The following ROBO2 variants were observed in gnomAD, a reference collection of about 807,000 sequenced individuals.
ROBO2 encodes roundabout guidance receptor 2.
ROBO2 carries 53 observed loss-of-function variants against 160.8 expected under a neutral mutation model. The ratio of observed to expected loss-of-function variants is 0.33; its 90% CI spans 0.26 to 0.41. The LOEUF (loss-of-function observed/expected upper bound fraction) is 0.41, where lower values mean the gene tolerates loss of function less well. ROBO2 is among the 10% of genes least tolerant of loss of function. The pLI, the probability that ROBO2 is intolerant of heterozygous loss-of-function variation, is 1.00. For synonymous variants in ROBO2, 664 were observed against 611.7 expected (o/e 1.09, Z -1.26); for missense variants, 1,577 against 1,722.4 (o/e 0.92, Z 1.49).
At chr3:76,106,892 AG>A (rs887480608) in intron 2 of ROBO2, among the ~76,000 whole-genome samples, 1 of 152,106 alleles carries the variant, frequency 6.6e-6, no homozygotes, top group African/African-American at 2.4e-5. Context: ...TGCTACCACA[AG>A]GGGTACTCTT....
At chr3:77,505,459 A>C (rs1258185464) in intron 5 of ROBO2, among the ~76,000 whole-genome samples, 1 of 152,104 alleles carries the variant, frequency 6.6e-6, no homozygotes, top group African/African-American at 2.4e-5. Context: ...TAAATAGAGA[A>C]GTCAAAAGGT....
Position 76,058,411 on chromosome 3 carries a change from C to T in ROBO2, c.109+120809C>T, listed in dbSNP as rs571908243. Among the ~76,000 whole-genome samples, 13 of 152,048 alleles carry T rather than the reference C, an allele frequency of 8.5e-5. No homozygotes were observed. The South Asian group carries it at 2.3e-3, about 27-fold the overall frequency. ...AAAACAGATACTATAGTTATTACTA[C>T]TGAATGTTTTTAAAAGTTCTAATAA... On this transcript the variant is annotated intron_variant, in intron 2 of 26. Transcript: ENST00000487694.
chr3:76,684,800 C>A (rs929683914), intron 2 of ROBO2, among the ~76,000 whole-genome samples: 1 of 152,096 alleles, frequency 6.6e-6, no homozygotes, highest in Non-Finnish European at 1.5e-5. Context: ...GAACTTTTGT[C>A]ACTTTTAATC....
At chr3:77,136,033 C>T (rs1195711032) in intron 2 of ROBO2, among the ~76,000 whole-genome samples, 1 of 152,148 alleles carries the variant, frequency 6.6e-6, no homozygotes, top group African/African-American at 2.4e-5. Context: ...TTATACAGCA[C>T]AGTACATAGA....
chr3:76,803,355 C>G (rs1244710550), intron 2 of ROBO2, among the ~76,000 whole-genome samples: 3 of 148,440 alleles, frequency 2.0e-5, no homozygotes, highest in Non-Finnish European at 4.5e-5. Context: ...GGAGGAGAAG[C>G]GGGAGGAGGA....
intron 2 of ROBO2, among the ~76,000 whole-genome samples, chr3:77,311,411 T>C (rs1334925201): frequency 6.6e-6 from 1 of 152,196 alleles, no homozygotes. Flanking sequence ...TTTAGTCAAT[T>C]AGAAATATAT....
chr3:77,221,814 G>A (rs895039139), intron 2 of ROBO2, among the ~76,000 whole-genome samples: 9 of 151,262 alleles, frequency 5.9e-5, no homozygotes, highest in African/African-American at 1.7e-4. Context: ...AAAATTGATA[G>A]CCCAATGGAC....
chr3:76,053,032 GCAGTTAT>G (rs2067706053), intron 2 of ROBO2, among the ~76,000 whole-genome samples: 1 of 151,874 alleles, frequency 6.6e-6, no homozygotes, highest in East Asian at 1.9e-4. Flanking sequence ...ATATTCATAG[GCAGTTAT>G]AAGAAATAAT....
At chr3:76,734,352 A>G (rs1013859269) in intron 2 of ROBO2, among the ~76,000 whole-genome samples, 1 of 152,200 alleles carries the variant, frequency 6.6e-6, no homozygotes, top group African/African-American at 2.4e-5. Flanking sequence ...TGATTGCCCA[A>G]TGACAACGGG....
intron 2 of ROBO2, among the ~76,000 whole-genome samples, chr3:76,882,316 ATC>A (rs1217155803): frequency 2.0e-5 from 3 of 152,080 alleles, no homozygotes; most frequent in African/African-American, 7.2e-5. Context: ...GTATCTGGCA[ATC>A]TCTTAGTGTC....
chr3:76,246,547 T>C (rs1377825654), intron 2 of ROBO2, among the ~76,000 whole-genome samples: 2 of 152,152 alleles, frequency 1.3e-5, no homozygotes, highest in Non-Finnish European at 2.9e-5. Context: ...TTTCTAATTA[T>C]TAGTAGGTTT....
intron 5 of ROBO2, among the ~76,000 whole-genome samples, chr3:77,518,672 T>G (rs1002019335): frequency 6.6e-6 from 1 of 151,476 alleles, no homozygotes; most frequent in Non-Finnish European, 1.5e-5. Context: ...CAAATTTTGG[T>G]GCAATGCGTA....
At chr3:77,082,157 G>A (rs2068731658) in intron 1 of ROBO2, among the ~76,000 whole-genome samples, 1 of 152,160 alleles carries the variant, frequency 6.6e-6, no homozygotes, top group Non-Finnish European at 1.5e-5. Flanking sequence ...AGATTAGCCT[G>A]CAAAGTATAA....
At position 76,134,942 on chromosome 3, in the gene ROBO2, G is replaced by C. The variant is rs192420130; in HGVS notation, c.109+197340G>C. Reference sequence around the variant, plus strand: ...GCATATGTTTCAACAATATGAAGGTGCTTATTTGATTGTTGACCATATAAT... The same window carrying C: ...GCATATGTTTCAACAATATGAAGGTCCTTATTTGATTGTTGACCATATAAT... On this transcript the variant is annotated intron_variant, in intron 2 of 26. Coordinates refer to the ROBO2 transcript ENST00000487694. Among the ~76,000 whole-genome samples the C allele has an allele frequency of 2.0e-5, 3 of 152,212 alleles. No homozygotes were observed. The East Asian group carries it at 5.8e-4, about 29-fold the overall frequency.
intron 2 of ROBO2, among the ~76,000 whole-genome samples, chr3:76,845,554 C>A (rs2068701177): frequency 6.6e-6 from 1 of 151,894 alleles, no homozygotes. Flanking sequence ...AATTTCAGGT[C>A]TCCTGTTCCA....
chr3:76,815,356 G>A (rs2065569912), intron 2 of ROBO2, among the ~76,000 whole-genome samples: 1 of 151,496 alleles, frequency 6.6e-6, no homozygotes, highest in East Asian at 1.9e-4. Flanking sequence ...CCAATAAGCT[G>A]AGCTATTTTA....
Position 76,804,618 on chromosome 3 carries a change from A to G in ROBO2, c.110-293396A>G, listed in dbSNP as rs543176718. Among the ~76,000 whole-genome samples the G allele has an allele frequency of 7.2e-5, 11 of 152,328 alleles. No homozygotes were observed. The East Asian group carries it at 1.5e-3, about 21-fold the overall frequency. The stretch of plus-strand genomic sequence containing the variant: ...CAGACAGTCCCTAAATTTGAATGCT[A>G]TTTCTTGCCAATTATTAGCTTCGCA... On this transcript the variant is annotated intron_variant, in intron 2 of 26. Coordinates refer to the ROBO2 transcript ENST00000487694.
intron 2 of ROBO2, among the ~76,000 whole-genome samples, chr3:76,926,711 T>C (rs1174230496): frequency 6.6e-6 from 1 of 152,200 alleles, no homozygotes; most frequent in Non-Finnish European, 1.5e-5. Flanking sequence ...ATTCACATTT[T>C]AGAAAGCTTG....
chr3:76,184,030 A>G (rs370187595), intron 2 of ROBO2, among the ~76,000 whole-genome samples: 1 of 152,162 alleles, frequency 6.6e-6, no homozygotes, highest in South Asian at 2.1e-4. Flanking sequence ...TCTCAGATGT[A>G]TTCAATCTTT....
Sources: gnomAD v4.1 joint callset for allele counts (sites outside exome capture counted in the v4.1 genomes callset) on GRCh38, gnomAD v4.1.1 for gene constraint, MANE v1.5 for transcripts, NCBI Gene and HGNC (gene_info 2026-07-23, HGNC 2026-07-21) for gene names.